The following DAG1 variants were observed in gnomAD, a reference collection of about 807,000 sequenced individuals.
DAG1 encodes the protein dystroglycan 1, also known as dystroglycan 1 (dystrophin-associated glycoprotein 1).
Under a neutral mutation model 46.1 loss-of-function variants are expected in DAG1, and 8 were observed. That is an observed-to-expected ratio of 0.17 (90% CI 0.10 to 0.31). The LOEUF is 0.31. Among genes scored for constraint, DAG1 ranks in the 10% least tolerant of loss-of-function variants. The pLI, the probability that DAG1 is intolerant of heterozygous loss-of-function variation, is 1.00. For synonymous variants in DAG1, 495 were observed against 481.8 expected (o/e 1.03, Z -0.36); for missense variants, 1,003 against 1,189.9 (o/e 0.84, Z 2.31).
chr3:49,524,876 C>T (rs1393794439), intron 2 of DAG1, among the ~76,000 whole-genome samples: 1 of 152,120 alleles, frequency 6.6e-6, no homozygotes, highest in Admixed American at 6.6e-5. Context: ...ACTTGGGAGG[C>T]TGAGGTGGGA....
chr3:49,499,469 A>T (rs532102784), intron 1 of DAG1, among the ~76,000 whole-genome samples: 1 of 152,340 alleles, frequency 6.6e-6, no homozygotes, highest in South Asian at 2.1e-4. Flanking sequence ...GAGTTTTTCT[A>T]TGGATGAGGA....
intron 1 of DAG1, among the ~76,000 whole-genome samples, chr3:49,472,684 G>A (rs1242764175): frequency 6.6e-6 from 1 of 152,096 alleles, no homozygotes; most frequent in East Asian, 1.9e-4. Flanking sequence ...GTGGGCACCT[G>A]TAGTCCCAGC....
At chr3:49,485,060 C>T (rs191067775) in intron 1 of DAG1, among the ~76,000 whole-genome samples, 29 of 152,242 alleles carry the variant, frequency 1.9e-4, no homozygotes, top group African/African-American at 6.5e-4. Flanking sequence ...AATCTCGGCT[C>T]ACTGCAAGCT....
At chr3:49,491,711 C>T (rs545536405) in intron 1 of DAG1, among the ~76,000 whole-genome samples, 46 of 152,156 alleles carry the variant, frequency 3.0e-4, no homozygotes, top group African/African-American at 9.9e-4. Flanking sequence ...CTCCTGACCT[C>T]GTGATCCGCC....
At chr3:49,507,072 G>A (rs2107605015) in intron 1 of DAG1, among the ~76,000 whole-genome samples, 1 of 152,242 alleles carries the variant, frequency 6.6e-6, no homozygotes, top group South Asian at 2.1e-4. Flanking sequence ...AAGAGTTTGT[G>A]CCTGGCAGTG....
chr3:49,520,512 A>G (rs193178590), intron 2 of DAG1, among the ~76,000 whole-genome samples: 12 of 152,304 alleles, frequency 7.9e-5, no homozygotes, highest in African/African-American at 2.9e-4. Flanking sequence ...AAGGTCGGGA[A>G]TTGATGACCA....
At chr3:49,470,526 C>G (rs2049484098) in intron 1 of DAG1, 93 bp downstream of exon 1, 6 of 151,978 alleles carry the variant, frequency 3.9e-5, no homozygotes, top group Admixed American at 3.3e-4. Flanking sequence ...CCTGCTGCTG[C>G]TCGCTGTTCG....
intron 2 of DAG1, among the ~76,000 whole-genome samples, chr3:49,512,740 G>A (rs2050797049): frequency 6.6e-6 from 1 of 151,456 alleles, no homozygotes; most frequent in African/African-American, 2.4e-5. Flanking sequence ...GGCTGAGGGA[G>A]GCAGATTGCT....
chr3:49,491,518 C>A lies in DAG1; in HGVS notation c.-116-18901C>A, dbSNP rs549689965. ...TTTGAGACGGAGTCTTGCTATGTTG[C>A]CCAGGCTGGAGTGCAGTGGCGCGAT... On this transcript the variant is annotated intron_variant, in intron 1 of 2. Coordinates refer to ENST00000308775, the MANE Select transcript of DAG1 (RefSeq NM_004393.6). Among the ~76,000 whole-genome samples the A allele has an allele frequency of 9.2e-5, 14 of 151,404 alleles. No homozygotes were observed. In the South Asian group the frequency reaches 2.7e-3, roughly 29 times the overall value.
At position 49,510,519 on chromosome 3, in the gene DAG1, C is replaced by A; in HGVS notation, c.-16C>A. 1.2e-6 allele frequency: 2 copies of A among 1,612,014 alleles called. No individual in the cohort carries two copies. Among genetic ancestry groups the A allele is most frequent in the Non-Finnish European group, 1.7e-6 (2 of 1,179,908 alleles). On this transcript the variant is annotated 5_prime_UTR_variant, in exon 2 of 3. Transcript: ENST00000308775. ...TACTTAGCAAGACTATCGACTTGAG[C>A]AAACTTGGACCTGGGATGAGGATGT...
chr3:49,525,793 C>T (rs2051154966), intron 2 of DAG1, among the ~76,000 whole-genome samples: 1 of 151,360 alleles, frequency 6.6e-6, no homozygotes, highest in South Asian at 2.1e-4. Context: ...CTCCTGACCT[C>T]GTGATCCGCC....
intron 2 of DAG1, among the ~76,000 whole-genome samples, chr3:49,517,399 G>T (rs536242703): frequency 6.6e-6 from 1 of 152,244 alleles, no homozygotes; most frequent in South Asian, 2.1e-4. Context: ...TTAATGCTTT[G>T]TTCTAGTCAG....
intron 1 of DAG1, among the ~76,000 whole-genome samples, chr3:49,474,544 C>T (rs1024805645): frequency 6.6e-6 from 1 of 152,054 alleles, no homozygotes; most frequent in African/African-American, 2.4e-5. Context: ...TGGGGTTTTG[C>T]CATGTTGCCC....
chr3:49,506,531 CTT>C (rs1559561960), intron 1 of DAG1, among the ~76,000 whole-genome samples: 3 of 152,228 alleles, frequency 2.0e-5, no homozygotes. Flanking sequence ...TTGTCAGACA[CTT>C]TCTCTGCATC....
At chr3:49,530,766 T>G (rs1192538774) in intron 2 of DAG1, 31 bp from the exon 3 acceptor site, 1 of 1,614,028 alleles carries the variant, frequency 6.2e-7, no homozygotes, top group East Asian at 2.2e-5. Flanking sequence ...GTGACAATAG[T>G]ATTTTTAATT....
At chr3:49,525,615 T>C (rs2051148777) in intron 2 of DAG1, among the ~76,000 whole-genome samples, 1 of 151,704 alleles carries the variant, frequency 6.6e-6, no homozygotes, top group South Asian at 2.1e-4. Context: ...TGGAGTGCCG[T>C]GGCGTGATCT....
intron 2 of DAG1, among the ~76,000 whole-genome samples, chr3:49,517,628 G>C (rs2050931986): frequency 6.6e-6 from 1 of 152,176 alleles, no homozygotes; most frequent in African/African-American, 2.4e-5. Context: ...GTAAATGGCT[G>C]GTTTACAGTT....
At chr3:49,511,989 G>A (rs1018858394) in intron 2 of DAG1, among the ~76,000 whole-genome samples, 1 of 152,072 alleles carries the variant, frequency 6.6e-6, no homozygotes, top group African/African-American at 2.4e-5. Flanking sequence ...ATTCTGACTT[G>A]AAACAGATTT....
At chr3:49,479,394 C>G (rs1163053962) in intron 1 of DAG1, among the ~76,000 whole-genome samples, 8 of 151,242 alleles carry the variant, frequency 5.3e-5, no homozygotes. Flanking sequence ...ACTGCAACCT[C>G]CACCTCCTGG....
Sources: gnomAD v4.1 joint callset for allele counts (sites outside exome capture counted in the v4.1 genomes callset) on GRCh38, gnomAD v4.1.1 for gene constraint, MANE v1.5 for transcripts, NCBI Gene and HGNC (gene_info 2026-07-23, HGNC 2026-07-21) for gene names.